PCDHA10: variants seen among roughly 807,000 people sequenced by gnomAD.
The protein encoded by PCDHA10 is protocadherin alpha-10.
PCDHA10 carries 45 observed loss-of-function variants against 61.2 expected under a neutral mutation model. That is an observed-to-expected ratio of 0.74 (90% CI 0.58 to 0.94). The LOEUF is 0.94. Ranked by LOEUF, PCDHA10 falls within the 40% of genes least tolerant of loss-of-function variation. The probability of loss-of-function intolerance (pLI) is 0.00; values close to 1 mark genes in which losing one functional copy is unlikely to be tolerated. For missense variants in PCDHA10, 1,278 were observed against 1,236.2 expected (o/e 1.03, Z -0.51); for synonymous variants, 602 against 548.8 (o/e 1.10, Z -1.35).
chr5:140,874,526 T>G (rs2054964457), intron 1 of PCDHA10, among the ~76,000 whole-genome samples: 1 of 152,242 alleles, frequency 6.6e-6, no homozygotes. Flanking sequence ...GTCAATGAGA[T>G]TAGGCTCCAA....
intron 1 of PCDHA10, chr5:140,882,457 G>C: frequency 1.2e-6 from 2 of 1,614,056 alleles, no homozygotes; most frequent in Non-Finnish European, 1.7e-6. Context: ...TGCCGCGCCT[G>C]TTCCGGGTGG....
intron 1 of PCDHA10, among the ~76,000 whole-genome samples, chr5:140,934,332 T>C (rs1452316834): frequency 1.3e-5 from 2 of 152,140 alleles, no homozygotes; most frequent in Non-Finnish European, 2.9e-5. Flanking sequence ...ATGAATGTAA[T>C]AACCACCAGT....
chr5:140,980,562 G>A (rs944389305), intron 2 of PCDHA10, among the ~76,000 whole-genome samples: 2 of 152,048 alleles, frequency 1.3e-5, no homozygotes, highest in Non-Finnish European at 2.9e-5. Context: ...CCCGGGAGGC[G>A]GAAGTTGCAG....
At chr5:140,917,206 T>G (rs1313611985) in intron 1 of PCDHA10, among the ~76,000 whole-genome samples, 1 of 152,104 alleles carries the variant, frequency 6.6e-6, no homozygotes, top group Admixed American at 6.5e-5. Context: ...CCCTCTTCAA[T>G]GCCTCTTTTA....
chr5:140,868,091 G>T (rs1355947056), intron 1 of PCDHA10: 1 of 151,974 alleles, frequency 6.6e-6, no homozygotes, highest in African/African-American at 2.4e-5. Flanking sequence ...TTTATAAAAT[G>T]ATAATAAAAT....
At chr5:140,905,092 CAGTCATGAA>C (rs1554191919) in intron 1 of PCDHA10, among the ~76,000 whole-genome samples, 5 of 152,092 alleles carry the variant, frequency 3.3e-5, no homozygotes, top group African/African-American at 1.2e-4. Flanking sequence ...TTTGGGTTCT[CAGTCATGAA>C]TTGTTTGCCT....
At chr5:140,977,671 A>G (rs2096770792) in intron 1 of PCDHA10, among the ~76,000 whole-genome samples, 1 of 152,178 alleles carries the variant, frequency 6.6e-6, no homozygotes, top group South Asian at 2.1e-4. Flanking sequence ...CTGCATGCCA[A>G]ATATCATGTA....
intron 3 of PCDHA10, among the ~76,000 whole-genome samples, chr5:141,000,877 C>T (rs2097970762): frequency 6.6e-6 from 1 of 151,952 alleles, no homozygotes; most frequent in Non-Finnish European, 1.5e-5. Context: ...CATTGTACTC[C>T]AACCTGGGCA....
At chr5:140,885,917 T>G (rs2060772831) in intron 1 of PCDHA10, among the ~76,000 whole-genome samples, 1 of 152,212 alleles carries the variant, frequency 6.6e-6, no homozygotes, top group Non-Finnish European at 1.5e-5. Flanking sequence ...TTATAGATAT[T>G]AACTGTTTAT....
chr5:140,861,627 T>C, intron 1 of PCDHA10: 1 of 322,548 alleles, frequency 3.1e-6, no homozygotes, highest in South Asian at 3.1e-5. Flanking sequence ...GCCAGTGTTC[T>C]CAGCAACACA....
intron 1 of PCDHA10, among the ~76,000 whole-genome samples, chr5:140,958,658 A>T (rs1207660771): frequency 6.6e-6 from 1 of 152,174 alleles, no homozygotes; most frequent in African/African-American, 2.4e-5. Flanking sequence ...GAAAGCTATG[A>T]TGAAATTTTA....
intron 3 of PCDHA10, among the ~76,000 whole-genome samples, chr5:140,990,514 T>C (rs1437267512): frequency 1.3e-5 from 2 of 152,204 alleles, no homozygotes; most frequent in Non-Finnish European, 1.5e-5. Context: ...TCTTCTCTCT[T>C]GTCTTTTTTG....
chr5:140,955,676 C>T (rs374545278), intron 1 of PCDHA10, among the ~76,000 whole-genome samples: 40 of 152,096 alleles, frequency 2.6e-4, no homozygotes, highest in African/African-American at 8.7e-4. Context: ...ATAGTTTTTT[C>T]GAAATCTGTG....
intron 1 of PCDHA10, among the ~76,000 whole-genome samples, chr5:140,932,700 A>G (rs1584752908): frequency 6.6e-6 from 1 of 151,992 alleles, no homozygotes; most frequent in East Asian, 1.9e-4. Flanking sequence ...AAAAACTCAT[A>G]TAGACAACAC....
intron 1 of PCDHA10, among the ~76,000 whole-genome samples, chr5:140,975,492 A>G (rs2153807380): frequency 6.6e-6 from 1 of 152,332 alleles, no homozygotes; most frequent in South Asian, 2.1e-4. Flanking sequence ...ATCAATGTTC[A>G]TAAAATAGCA....
rs1329189325 is a variant in PCDHA10, at chr5:141,010,310, G to C, written c.*373G>C. The C allele has an allele frequency of 6.5e-7, 1 of 1,547,658 alleles. No individual in the cohort carries two copies. The highest frequency in any genetic ancestry group is 8.7e-7 in the Non-Finnish European group (1 of 1,145,866). ...CTTGCAGGGCAGGCTGAAAAGTTTT[G>C]AGATTGAGCAGCTTGGGAGTTTGTG... On this transcript the variant is annotated 3_prime_UTR_variant, in exon 4 of 4. Coordinates refer to ENST00000307360, the MANE Select transcript of PCDHA10 (RefSeq NM_018901.4).
chr5:140,868,063 C>T (rs1554161737), intron 1 of PCDHA10: 1 of 151,920 alleles, frequency 6.6e-6, no homozygotes, highest in African/African-American at 2.4e-5. Context: ...CAAAGATGTT[C>T]AGGGTGATTT....
intron 1 of PCDHA10, chr5:140,877,101 G>T (rs375706181): frequency 6.8e-6 from 11 of 1,613,354 alleles, no homozygotes; most frequent in Non-Finnish European, 9.3e-6. Flanking sequence ...CCGGCGTGCC[G>T]CCTCTGGGCA....
chr5:140,875,986 T>C, intron 1 of PCDHA10: 1 of 1,613,998 alleles, frequency 6.2e-7, no homozygotes, highest in East Asian at 2.2e-5. Context: ...GACCTATGCG[T>C]TAAGTCTAAA....
Sources: gnomAD v4.1 joint callset for allele counts (sites outside exome capture counted in the v4.1 genomes callset) on GRCh38, gnomAD v4.1.1 for gene constraint, MANE v1.5 for transcripts, NCBI Gene and HGNC (gene_info 2026-07-23, HGNC 2026-07-21) for gene names.